Variants in POLR1A observed in about 807,000 individuals in gnomAD.
The protein encoded by POLR1A is DNA-directed RNA polymerase I subunit RPA1.
POLR1A carries 84 observed loss-of-function variants against 205.3 expected under a neutral mutation model. That is an observed-to-expected ratio of 0.41 (90% CI 0.34 to 0.49). The LOEUF (loss-of-function observed/expected upper bound fraction) is 0.49. POLR1A is among the 20% of genes least tolerant of loss of function. The pLI is 0.22. For synonymous variants in POLR1A, 799 were observed against 863.7 expected (o/e 0.93, Z 1.31); for missense variants, 1,645 against 2,204.5 (o/e 0.75, Z 5.08).
chr2:86,082,092 T>C (rs1673414639), intron 7 of POLR1A, among the ~76,000 whole-genome samples: 1 of 152,080 alleles, frequency 6.6e-6, no homozygotes, highest in Non-Finnish European at 1.5e-5. Flanking sequence ...TGCCTCAGCC[T>C]CCCATATTGC....
At chr2:86,083,425 C>T (rs772083689) in intron 6 of POLR1A, among the ~76,000 whole-genome samples, 3 of 151,114 alleles carry the variant, frequency 2.0e-5, no homozygotes, top group African/African-American at 4.9e-5. Flanking sequence ...AATCCCATCA[C>T]ATTAACAACT....
Position 86,024,270 on chromosome 2 carries a change from T to A in POLR1A, c.*3153A>T, listed in dbSNP as rs1320083305. 1 of 210,110 alleles carries A rather than the reference T, an allele frequency of 4.8e-6. No homozygotes were observed. The highest frequency in any genetic ancestry group is 1.0e-5 in the Non-Finnish European group (1 of 98,136). The allele number at this position is 210,110 out of a possible 1,614,324, so 13.0% of individuals were successfully genotyped here. On this transcript the variant is annotated 3_prime_UTR_variant, in exon 34 of 34. Transcript: ENST00000263857. Reference sequence around the variant, plus strand: ...GAAATAAGCCGGTCACAAAAAGACATGCTGTACTTTTCCACTTGTATGAGG... The same window carrying A: ...GAAATAAGCCGGTCACAAAAAGACAAGCTGTACTTTTCCACTTGTATGAGG...
chr2:86,031,645 A>T lies in POLR1A; in HGVS notation c.4273-10T>A. ...CACTCTCATAATCAACCTGGCAGAA[A>T]AGGGAGCACAGGCTGTGTCACTTGG... is the stretch of plus-strand genomic sequence containing the variant. On this transcript the variant is annotated splice_polypyrimidine_tract_variant and intron_variant, in intron 29 of 33. Coordinates refer to ENST00000263857, the MANE Select transcript of POLR1A (RefSeq NM_015425.6). The T allele has an allele frequency of 1.2e-6, 2 of 1,602,390 alleles. No individual in the cohort carries two copies. The highest frequency in any genetic ancestry group is 1.7e-6 in the Non-Finnish European group (2 of 1,173,306).
intron 2 of POLR1A, 98 bp downstream of exon 2, chr2:86,099,870 T>G: frequency 1.0e-6 from 1 of 958,168 alleles, no homozygotes; most frequent in Non-Finnish European, 1.7e-6. Flanking sequence ...TTGGAGTGCC[T>G]GGGGCTTAAC....
At chr2:86,029,988 G>C (rs1573799998) in intron 31 of POLR1A, among the ~76,000 whole-genome samples, 1 of 152,202 alleles carries the variant, frequency 6.6e-6, no homozygotes, top group African/African-American at 2.4e-5. Context: ...CTTTACTGGG[G>C]ACCTGAATGA....
chr2:86,052,752 C>T, intron 16 of POLR1A, 65 bp downstream of exon 16: 1 of 1,327,040 alleles, frequency 7.5e-7, no homozygotes, highest in Non-Finnish European at 1.0e-6. Flanking sequence ...TGTCCTGGGC[C>T]TGGGAGATGG....
chr2:86,061,340 G>A (rs771841304), intron 14 of POLR1A, among the ~76,000 whole-genome samples: 9 of 152,258 alleles, frequency 5.9e-5, no homozygotes, highest in Middle Eastern at 3.4e-3. Flanking sequence ...CCAGCTACTC[G>A]AGAGGCTGAG....
chr2:86,048,806 G>T, intron 18 of POLR1A, 78 bp downstream of exon 18: 1 of 1,336,628 alleles, frequency 7.5e-7, no homozygotes, highest in Non-Finnish European at 1.1e-6. Context: ...GTAGGGCCCA[G>T]GTGAGAATCA....
intron 14 of POLR1A, 79 bp downstream of exon 14, chr2:86,065,195 A>C: frequency 5.6e-6 from 7 of 1,260,504 alleles, no homozygotes; most frequent in Non-Finnish European, 7.9e-6. Context: ...TCTGGTCTGG[A>C]CTCTTCTGAG....
At position 86,070,377 on chromosome 2, in the gene POLR1A, C is replaced by T. The variant is rs919087520; in HGVS notation, c.1612-105G>A. 7.2e-6 allele frequency: 9 copies of T among 1,246,750 alleles called. No homozygotes were observed. The highest frequency in any genetic ancestry group is 4.5e-5 in the South Asian group (3 of 66,766). 77.2% of individuals were successfully genotyped at this position (1,246,750 alleles called of 1,614,324 possible). A position where few individuals can be genotyped will look rare whatever the true frequency, so the allele number is the denominator to read the frequency against. ...TGACCAAGGTGTGGCTTTTGTCTCA[C>T]GTTCTAGTTAACTAAATGCAAGGGG... On this transcript the variant is annotated intron_variant, in intron 12 of 33. Transcript: ENST00000263857. The surrounding 1 kb of genome is among the most constrained non-coding windows in gnomAD (Gnocchi z 4.4).
chr2:86,046,214 G>A (rs1048681322), intron 19 of POLR1A, among the ~76,000 whole-genome samples: 1 of 152,086 alleles, frequency 6.6e-6, no homozygotes, highest in Non-Finnish European at 1.5e-5. Context: ...AGGATCCCTT[G>A]AGCCCAGAAG....
intron 15 of POLR1A, 37 bp from the exon 16 acceptor site, chr2:86,053,037 T>TGCA (rs1672833778): frequency 4.7e-6 from 7 of 1,494,620 alleles, no homozygotes; most frequent in South Asian, 2.7e-5. Flanking sequence ...GGGCTGCGGG[T>TGCA]GATGCCTCCT....
chr2:86,037,024 A>ATCTAAC (rs1353067885), intron 27 of POLR1A: 1 of 152,236 alleles, frequency 6.6e-6, no homozygotes, highest in African/African-American at 2.4e-5. Flanking sequence ...GGGGCAAAAC[A>ATCTAAC]TCTAACTCCG....
In POLR1A at chr2:86,072,553, C is replaced by T. The variant is rs190054178; in HGVS notation, c.1612-2281G>A. Among the ~76,000 whole-genome samples, 8 of 152,354 alleles carry T rather than the reference C, an allele frequency of 5.3e-5. No individual in the cohort carries two copies. The East Asian group carries it at 1.2e-3, about 22-fold the overall frequency. The stretch of plus-strand genomic sequence containing the variant: ...GAGCACAGGGTATTCCCCTTGCCAA[C>T]CCAAACCCAAGGCCCTTCCTTTCTC... On this transcript the variant is annotated intron_variant, in intron 12 of 33. Coordinates refer to ENST00000263857, the MANE Select transcript of POLR1A (RefSeq NM_015425.6).
intron 13 of POLR1A, among the ~76,000 whole-genome samples, chr2:86,067,982 C>T (rs1673110552): frequency 6.6e-6 from 1 of 152,144 alleles, no homozygotes; most frequent in African/African-American, 2.4e-5. Context: ...TGTTCTCCTG[C>T]CTCCCTTAAG....
At chr2:86,032,816 T>A (rs747810456) in intron 28 of POLR1A, among the ~76,000 whole-genome samples, 17 of 152,220 alleles carry the variant, frequency 1.1e-4, no homozygotes, top group Non-Finnish European at 2.2e-4. Context: ...TCCTAGTTTT[T>A]TATACTCTCC....
chr2:86,093,614 G>A (rs911329981), intron 3 of POLR1A, among the ~76,000 whole-genome samples: 11 of 152,138 alleles, frequency 7.2e-5, no homozygotes, highest in Non-Finnish European at 1.6e-4. Flanking sequence ...GATCGCTTGA[G>A]GTCAGGAGTT....
chr2:86,078,964 C>T (rs1673346968), intron 9 of POLR1A, among the ~76,000 whole-genome samples: 1 of 152,150 alleles, frequency 6.6e-6, no homozygotes, highest in South Asian at 2.1e-4. Context: ...GCTTAGAGCA[C>T]CACCTATTGA....
At chr2:86,102,228 G>A (rs561729497) in intron 1 of POLR1A, among the ~76,000 whole-genome samples, 5 of 152,262 alleles carry the variant, frequency 3.3e-5, no homozygotes, top group African/African-American at 9.6e-5. Flanking sequence ...TTCCATAGTG[G>A]TTGCACCATT....
Sources: allele counts gnomAD v4.1 joint callset (sites outside exome capture counted in the v4.1 genomes callset), GRCh38; gene constraint gnomAD v4.1.1; non-coding constraint Gnocchi (gnomAD v3.1); transcripts MANE v1.5; gene names NCBI Gene and HGNC (gene_info 2026-07-23, HGNC 2026-07-21).